The following SH2D4B variants were observed in gnomAD, a reference collection of about 807,000 sequenced individuals.
The protein encoded by SH2D4B is SH2 domain containing 4B, also known as SH2 domain-containing protein 4B.
Under a neutral mutation model 61.5 loss-of-function variants are expected in SH2D4B, and 45 were observed. That is an observed-to-expected ratio of 0.73 (90% confidence interval 0.58 to 0.94). The LOEUF (loss-of-function observed/expected upper bound fraction) is 0.94, where lower values mean the gene tolerates loss of function less well. Ranked by LOEUF, SH2D4B falls within the 40% of genes least tolerant of loss-of-function variation. The pLI, the probability that SH2D4B is intolerant of heterozygous loss-of-function variation, is 0.00. For synonymous variants in SH2D4B, 224 were observed against 220.4 expected (o/e 1.02, Z -0.14); for missense variants, 572 against 574.2 (o/e 1.00, Z 0.04).
At chr10:80,605,997 G>C (rs1213331122) in intron 5 of SH2D4B, among the ~76,000 whole-genome samples, 2 of 152,186 alleles carry the variant, frequency 1.3e-5, no homozygotes, top group Non-Finnish European at 2.9e-5. Context: ...GCCTCATCCA[G>C]AGTGAGCCTC....
chr10:80,545,306 A>T (rs1841658761), intron 1 of SH2D4B, among the ~76,000 whole-genome samples: 1 of 151,492 alleles, frequency 6.6e-6, no homozygotes, highest in Admixed American at 6.6e-5. Context: ...TGTCTCCGCG[A>T]ATTTGCCTCT....
intron 6 of SH2D4B, among the ~76,000 whole-genome samples, chr10:80,615,133 T>C (rs1197462300): frequency 6.6e-6 from 1 of 152,200 alleles, no homozygotes; most frequent in East Asian, 1.9e-4. Flanking sequence ...CTGTCTGAGC[T>C]GTATGGAGCA....
intron 6 of SH2D4B, among the ~76,000 whole-genome samples, chr10:80,619,287 T>C (rs1301414060): frequency 1.3e-5 from 2 of 152,222 alleles, no homozygotes. Context: ...TCCTCAGCTC[T>C]TCTGCATTCC....
At chr10:80,593,330 C>A (rs1361192513) in intron 4 of SH2D4B, among the ~76,000 whole-genome samples, 3 of 152,192 alleles carry the variant, frequency 2.0e-5, no homozygotes, top group Non-Finnish European at 2.9e-5. Flanking sequence ...AATTCATGAT[C>A]ACAGAATGTC....
intron 6 of SH2D4B, among the ~76,000 whole-genome samples, chr10:80,619,409 C>A (rs1296917427): frequency 6.6e-6 from 1 of 152,242 alleles, no homozygotes; most frequent in African/African-American, 2.4e-5. Context: ...AGAGGCCCAA[C>A]CGGGAGTGCT....
At chr10:80,540,790 A>C in intron 1 of SH2D4B, 4 of 1,543,282 alleles carry the variant, frequency 2.6e-6, no homozygotes, top group Non-Finnish European at 3.5e-6. Context: ...AACACAGCCA[A>C]CTCGAGTGCC....
At chr10:80,638,521 G>A (rs953002755) in intron 7 of SH2D4B, among the ~76,000 whole-genome samples, 3 of 152,186 alleles carry the variant, frequency 2.0e-5, no homozygotes, top group African/African-American at 7.2e-5. Context: ...TTGGGAGGGT[G>A]TATGTGTCTA....
In SH2D4B at chr10:80,595,331, A is replaced by G. The variant is rs115835219; in HGVS notation, c.643+6554A>G. ...GGACTTACTGTTGTATTTACAAAAG[A>G]GCTTGAAAACTGGGCTGTCTTTGCT... On this transcript the variant is annotated intron_variant, in intron 4 of 7. Transcript: ENST00000646907. Among the ~76,000 whole-genome samples, 497 of 152,334 alleles carry G rather than the reference A, an allele frequency of 3.3e-3. 1 individual carries two copies. Among genetic ancestry groups the G allele is most frequent in the African/African-American group, 0.012 (480 of 41,572 alleles).
At chr10:80,547,035 T>G (rs970827971) in intron 1 of SH2D4B, among the ~76,000 whole-genome samples, 2 of 152,208 alleles carry the variant, frequency 1.3e-5, no homozygotes, top group Non-Finnish European at 2.9e-5. Context: ...ATTTATTTTT[T>G]ATGCTCATAG....
intron 7 of SH2D4B, among the ~76,000 whole-genome samples, chr10:80,640,252 G>A (rs1589367131): frequency 6.6e-6 from 1 of 152,156 alleles, no homozygotes; most frequent in East Asian, 1.9e-4. Flanking sequence ...TGGTGAATCT[G>A]ACAATTATGT....
chr10:80,549,133 A>C (rs1414645073), intron 1 of SH2D4B, among the ~76,000 whole-genome samples: 1 of 151,846 alleles, frequency 6.6e-6, no homozygotes, highest in Admixed American at 6.6e-5. Flanking sequence ...GTGGCTAAAC[A>C]TAGGGCTCCC....
intron 6 of SH2D4B, 41 bp from the exon 7 acceptor site, chr10:80,634,244 G>GCATTAAAA: frequency 6.8e-7 from 1 of 1,480,968 alleles, no homozygotes; most frequent in Non-Finnish European, 9.0e-7. Context: ...GGCAGTCGCA[G>GCATTAAAA]AACCTGCTGT....
intron 7 of SH2D4B, among the ~76,000 whole-genome samples, chr10:80,636,004 T>C (rs2132163340): frequency 6.6e-6 from 1 of 152,304 alleles, no homozygotes; most frequent in Admixed American, 6.5e-5. Context: ...TGTGTCCAAG[T>C]GTTCTCATTG....
intron 6 of SH2D4B, among the ~76,000 whole-genome samples, chr10:80,633,493 G>A (rs1459615724): frequency 6.6e-6 from 1 of 152,160 alleles, no homozygotes. Context: ...CAGAGGTCGG[G>A]GGTGGGGGTA....
intron 1 of SH2D4B, among the ~76,000 whole-genome samples, chr10:80,543,189 C>T (rs893308605): frequency 2.0e-5 from 3 of 152,296 alleles, no homozygotes; most frequent in South Asian, 2.1e-4. Context: ...CCCTTCAGCC[C>T]GCCGTTGCAC....
At chr10:80,618,430 C>T (rs1842682701) in intron 6 of SH2D4B, among the ~76,000 whole-genome samples, 1 of 152,206 alleles carries the variant, frequency 6.6e-6, no homozygotes, top group South Asian at 2.1e-4. Flanking sequence ...CCAAGAAACT[C>T]GTCCAGTGAA....
At chr10:80,619,005 G>T (rs1429354101) in intron 6 of SH2D4B, among the ~76,000 whole-genome samples, 1 of 152,196 alleles carries the variant, frequency 6.6e-6, no homozygotes, top group African/African-American at 2.4e-5. Context: ...CCGGGGTGCA[G>T]CTGATTAGTG....
rs1192675142 is a variant in SH2D4B, at chr10:80,634,506, GTATC to G, written c.1209+2_1209+5del. The G allele has an allele frequency of 5.8e-6, 9 of 1,549,472 alleles. No individual in the cohort carries two copies. In the South Asian group the frequency reaches 1.1e-4, roughly 18 times the overall value. The stretch of plus-strand genomic sequence containing the variant: ...CACGGATCTCGTTGATTTCCATAAG[GTATC>G]CCTCACAGGGATACTAATGGGGGGG... On this transcript the variant is annotated splice_donor_variant and splice_donor_5th_base_variant and intron_variant, in intron 7 of 7. Transcript: ENST00000646907. LOFTEE classifies it high-confidence loss of function.
In SH2D4B at chr10:80,642,047, A is replaced by C. The variant is rs185096045; in HGVS notation, c.1210-1946A>C. Among the ~76,000 whole-genome samples, 474 of 152,334 alleles carry C rather than the reference A, an allele frequency of 3.1e-3. 2 individuals carry two copies. Among genetic ancestry groups the C allele is most frequent in the Middle Eastern group, 0.014 (4 of 294 alleles). On this transcript the variant is annotated intron_variant, in intron 7 of 7. Transcript: ENST00000646907. ...GTATCTCCTGAGCAGTAACATAAAA[A>C]CTTATGTATATAAGGAAATATATAG...
Sources: allele counts gnomAD v4.1 joint callset (sites outside exome capture counted in the v4.1 genomes callset), GRCh38; gene constraint gnomAD v4.1.1; transcripts MANE v1.5; gene names NCBI Gene and HGNC (gene_info 2026-07-23, HGNC 2026-07-21).